Variants in BASP1 observed in about 807,000 individuals in gnomAD.
BASP1 encodes brain acid soluble protein 1.
In BASP1, 1 loss-of-function variant was observed where a neutral mutation model predicts 2.2. The observed-to-expected ratio is 0.46, with a 90% CI of 0.16 to 2.17. The LOEUF (loss-of-function observed/expected upper bound fraction) is 2.17, where lower values mean the gene tolerates loss of function less well. Among genes scored for constraint, BASP1 ranks in the 30% most tolerant of loss-of-function variants. The probability of loss-of-function intolerance (pLI) is 0.27; values close to 1 mark genes in which losing one functional copy is unlikely to be tolerated. For missense variants in BASP1, 352 were observed against 327.2 expected, an observed-to-expected ratio of 1.08 and a Z score of -0.58; for synonymous variants, 187 against 154.2, an observed-to-expected ratio of 1.21 and a Z score of -1.58.
At chr5:17,245,915 C>CT in intron 1 of BASP1, among the ~76,000 whole-genome samples, 1 of 151,906 alleles carries the variant, frequency 6.6e-6, no homozygotes, top group Non-Finnish European at 1.5e-5. Flanking sequence ...AAATGTAAAA[C>CT]TAGGGGACAG....
Position 17,261,143 on chromosome 5 carries a change from T to C in BASP1, c.-9-14065T>C, listed in dbSNP as rs534877533. On this transcript the variant is annotated intron_variant, in intron 1 of 1. Coordinates refer to ENST00000322611, the MANE Select transcript of BASP1 (RefSeq NM_006317.5). Reference sequence around the variant, plus strand: ...ACCAGATTGCACAGTAAGGACACAATAAGAAGTTCTTAAGAATTAAGGTTC... The same window carrying C: ...ACCAGATTGCACAGTAAGGACACAACAAGAAGTTCTTAAGAATTAAGGTTC... 2.0e-4 allele frequency among the ~76,000 whole-genome samples: 30 copies of C among 152,352 alleles called. 1 individual carries two copies. Among genetic ancestry groups the C allele is most frequent in the Non-Finnish European group, 3.7e-4 (25 of 68,024 alleles).
chr5:17,271,330 C>T (rs1740524168), intron 1 of BASP1, among the ~76,000 whole-genome samples: 1 of 152,114 alleles, frequency 6.6e-6, no homozygotes, highest in African/African-American at 2.4e-5. Flanking sequence ...CCATGTTGGC[C>T]AGGTTGATCT....
chr5:17,232,684 C>A (rs140647449), intron 1 of BASP1, among the ~76,000 whole-genome samples: 1 of 152,232 alleles, frequency 6.6e-6, no homozygotes, highest in Non-Finnish European at 1.5e-5. Flanking sequence ...CAGCTTGTAA[C>A]GAACCTTTGG....
chr5:17,253,129 T>G (rs910228872), intron 1 of BASP1, among the ~76,000 whole-genome samples: 1 of 139,742 alleles, frequency 7.2e-6, no homozygotes, highest in African/African-American at 2.9e-5. Context: ...AATCAATTGG[T>G]TTTTTTTTCA....
intron 1 of BASP1, among the ~76,000 whole-genome samples, chr5:17,241,985 G>A (rs1235851658): frequency 6.6e-6 from 1 of 152,084 alleles, no homozygotes; most frequent in Admixed American, 6.6e-5. Context: ...TACAAAATGC[G>A]AGTGTCCCAC....
At chr5:17,233,991 C>T (rs1416450841) in intron 1 of BASP1, among the ~76,000 whole-genome samples, 3 of 152,104 alleles carry the variant, frequency 2.0e-5, no homozygotes, top group East Asian at 1.9e-4. Context: ...ATTAGCTGGG[C>T]GTGGTGGCAC....
At chr5:17,273,388 C>A (rs541238260) in intron 1 of BASP1, among the ~76,000 whole-genome samples, 43 of 152,090 alleles carry the variant, frequency 2.8e-4, no homozygotes, top group South Asian at 1.0e-3. Flanking sequence ...CCAATTGCCA[C>A]CCCCTTTTCT....
At chr5:17,252,434 C>T (rs1740121206) in intron 1 of BASP1, among the ~76,000 whole-genome samples, 1 of 152,128 alleles carries the variant, frequency 6.6e-6, no homozygotes, top group African/African-American at 2.4e-5. Flanking sequence ...TAAAAACAGG[C>T]TCAGAGGTTA....
chr5:17,261,993 T>C lies in BASP1; in HGVS notation c.-9-13215T>C, dbSNP rs368420406. Among the ~76,000 whole-genome samples the C allele has an allele frequency of 9.8e-5, 15 of 152,324 alleles. No individual in the cohort carries two copies. In the South Asian group the frequency reaches 2.7e-3, roughly 27 times the overall value. Reference sequence around the variant, plus strand: ...CCCATCACCGGATCAATTTGCGCCATCTCTTCTTATCTTTTGTAACCTTTT... The same window carrying C: ...CCCATCACCGGATCAATTTGCGCCACCTCTTCTTATCTTTTGTAACCTTTT... On this transcript the variant is annotated intron_variant, in intron 1 of 1. Transcript: ENST00000322611.
intron 1 of BASP1, among the ~76,000 whole-genome samples, chr5:17,250,991 A>C (rs747943651): frequency 2.6e-5 from 4 of 152,258 alleles, no homozygotes; most frequent in Non-Finnish European, 1.5e-5. Flanking sequence ...TGCATAGAAC[A>C]GAAAACCTAA....
At chr5:17,266,156 C>T (rs367545275) in intron 1 of BASP1, among the ~76,000 whole-genome samples, 21 of 152,104 alleles carry the variant, frequency 1.4e-4, no homozygotes, top group African/African-American at 4.8e-4. Context: ...TCCTACAGTG[C>T]GGGATATTTT....
intron 1 of BASP1, among the ~76,000 whole-genome samples, chr5:17,263,814 C>CTGGG: frequency 6.6e-6 from 1 of 152,220 alleles, no homozygotes; most frequent in South Asian, 2.1e-4. Context: ...TAAATTGTCT[C>CTGGG]GAATGTTTTC....
At chr5:17,238,758 G>C (rs534073378) in intron 1 of BASP1, among the ~76,000 whole-genome samples, 1 of 152,166 alleles carries the variant, frequency 6.6e-6, no homozygotes, top group Non-Finnish European at 1.5e-5. Context: ...ATTTAAACAT[G>C]ACTCATAGTG....
intron 1 of BASP1, among the ~76,000 whole-genome samples, chr5:17,271,833 G>A (rs1036448693): frequency 3.3e-5 from 5 of 152,222 alleles, no homozygotes; most frequent in Non-Finnish European, 5.9e-5. Flanking sequence ...TCGGGAGGCC[G>A]AAGTGGGCAG....
rs1264973502 is a variant in BASP1, at chr5:17,275,379, A to G, written c.163A>G (p.Lys55Glu). 5 of 1,597,984 alleles carry G rather than the reference A, an allele frequency of 3.1e-6. No homozygotes were observed. The highest frequency in any genetic ancestry group is 4.3e-6 in the Non-Finnish European group (5 of 1,172,546). Residue 55 changes from lysine to glutamate, a missense_variant, in exon 2 of 2, where the codon AAG becomes GAG. By Grantham distance (56) the Lys-to-Glu change is moderately conservative. Coordinates refer to ENST00000322611, the MANE Select transcript of BASP1 (RefSeq NM_006317.5). This position sits in a 1 kb window ranked among gnomAD's most constrained non-coding sequence, Gnocchi z 5.3. ...AAEPAEAKEGKEKPDQDAEGK... is the reference protein window; with the variant it reads ...AAEPAEAKEGEEKPDQDAEGK... ...AGAGCCCGCCGAGGCCAAGGAGGGC[A>G]AGGAGAAGCCCGACCAGGACGCCGA...
chr5:17,273,222 G>A (rs771949052), intron 1 of BASP1, among the ~76,000 whole-genome samples: 24 of 152,030 alleles, frequency 1.6e-4, no homozygotes, highest in Admixed American at 6.6e-4. Flanking sequence ...ATATTGATCC[G>A]GTTTATTTCT....
At chr5:17,235,294 T>C in intron 1 of BASP1, among the ~76,000 whole-genome samples, 1 of 150,016 alleles carries the variant, frequency 6.7e-6, no homozygotes, top group African/African-American at 2.5e-5. Context: ...TGAGTCTCAC[T>C]CTGTCACCCA....
intron 1 of BASP1, among the ~76,000 whole-genome samples, chr5:17,246,999 T>C (rs771221758): frequency 1.3e-5 from 2 of 152,078 alleles, no homozygotes; most frequent in Non-Finnish European, 2.9e-5. Context: ...CCAGTCTGGG[T>C]AACATGGCGA....
At chr5:17,228,722 C>T (rs1467376748) in intron 1 of BASP1, among the ~76,000 whole-genome samples, 2 of 152,180 alleles carry the variant, frequency 1.3e-5, no homozygotes, top group South Asian at 4.1e-4. Context: ...TTGGGACACA[C>T]GTACAAACAC....
Sources: allele counts gnomAD v4.1 joint callset (sites outside exome capture counted in the v4.1 genomes callset), GRCh38; gene constraint gnomAD v4.1.1; non-coding constraint Gnocchi (gnomAD v3.1); transcripts MANE v1.5; gene names NCBI Gene and HGNC (gene_info 2026-07-23, HGNC 2026-07-21).